Variants in FMNL2 observed in about 807,000 individuals in gnomAD.
The protein encoded by FMNL2 is formin-like protein 2.
Under a neutral mutation model 130.2 loss-of-function variants are expected in FMNL2, and 51 were observed. The observed-to-expected ratio is 0.39, with a 90% CI of 0.31 to 0.49. The LOEUF is 0.49. Among genes scored for constraint, FMNL2 ranks in the 20% least tolerant of loss-of-function variants. The pLI is 0.85. For missense variants in FMNL2, 977 were observed against 1,316.2 expected (o/e 0.74, Z 3.99); for synonymous variants, 465 against 467.1 (o/e 1.00, Z 0.06).
At chr2:152,496,185 C>T (rs144125579) in intron 1 of FMNL2, among the ~76,000 whole-genome samples, 1 of 152,140 alleles carries the variant, frequency 6.6e-6, no homozygotes, top group Admixed American at 6.5e-5. Flanking sequence ...AGGGCCGGTT[C>T]CTACATTGCA....
chr2:152,526,761 C>T (rs1317126006), intron 2 of FMNL2, among the ~76,000 whole-genome samples: 1 of 152,148 alleles, frequency 6.6e-6, no homozygotes, highest in East Asian at 1.9e-4. Flanking sequence ...CCCCTCTATA[C>T]ATTCATTCTT....
chr2:152,432,115 T>G (rs1384684988), intron 1 of FMNL2, among the ~76,000 whole-genome samples: 8 of 152,066 alleles, frequency 5.3e-5, no homozygotes. Flanking sequence ...TGTGATTGTT[T>G]TCAGTATTTG....
intron 1 of FMNL2, among the ~76,000 whole-genome samples, chr2:152,426,025 T>G (rs1687183641): frequency 6.6e-6 from 1 of 152,256 alleles, no homozygotes; most frequent in Non-Finnish European, 1.5e-5. Flanking sequence ...GATAGATTTA[T>G]GGTAGGGATA....
intron 3 of FMNL2, among the ~76,000 whole-genome samples, chr2:152,548,468 G>A (rs193214015): frequency 6.6e-6 from 1 of 152,310 alleles, no homozygotes; most frequent in East Asian, 1.9e-4. Context: ...TAGGCAGAGA[G>A]TTGCCTATTA....
chr2:152,581,607 C>T (rs1408706881), intron 9 of FMNL2, among the ~76,000 whole-genome samples: 1 of 152,014 alleles, frequency 6.6e-6, no homozygotes, highest in Non-Finnish European at 1.5e-5. Context: ...CGGGCCCTGC[C>T]CCAGCGTATC....
rs554292642 is a variant in FMNL2, at chr2:152,531,749, T to C, written c.201+9723T>C. Among the ~76,000 whole-genome samples the C allele has an allele frequency of 2.0e-5, 3 of 152,312 alleles. No individual in the cohort carries two copies. The South Asian group carries it at 6.2e-4, about 32-fold the overall frequency. On this transcript the variant is annotated intron_variant, in intron 2 of 25. Transcript: ENST00000288670. ...TGCTGGGATTACAGGCGTGAACTACTGTACCCAGCCTAAGATATAAGATCT... is the reference window on the plus strand; with the variant it reads ...TGCTGGGATTACAGGCGTGAACTACCGTACCCAGCCTAAGATATAAGATCT...
intron 8 of FMNL2, among the ~76,000 whole-genome samples, chr2:152,580,657 T>C (rs1696731203): frequency 1.3e-5 from 2 of 152,212 alleles, no homozygotes; most frequent in Non-Finnish European, 2.9e-5. Context: ...TTTTCATCTG[T>C]ATTGTACTGA....
intron 1 of FMNL2, among the ~76,000 whole-genome samples, chr2:152,476,879 A>G (rs1002708208): frequency 3.3e-5 from 5 of 152,160 alleles, no homozygotes; most frequent in Admixed American, 3.3e-4. Context: ...CTCAAATCTG[A>G]GAAATAGCTC....
intron 6 of FMNL2, among the ~76,000 whole-genome samples, chr2:152,561,852 A>G (rs1485381865): frequency 6.6e-6 from 1 of 152,166 alleles, no homozygotes; most frequent in Non-Finnish European, 1.5e-5. Flanking sequence ...TGTTGGGATT[A>G]CAGGCATCAG....
intron 25 of FMNL2, among the ~76,000 whole-genome samples, chr2:152,644,158 T>C (rs575547998): frequency 4.6e-5 from 7 of 152,104 alleles, no homozygotes; most frequent in Admixed American, 3.3e-4. Flanking sequence ...GAGGTGGAGG[T>C]TGCAGTGAGT....
intron 2 of FMNL2, among the ~76,000 whole-genome samples, chr2:152,524,737 T>C (rs1480686762): frequency 8.5e-5 from 13 of 152,216 alleles, no homozygotes; most frequent in South Asian, 8.3e-4. Flanking sequence ...GTGCAGACCC[T>C]GTGCTGCACG....
intron 1 of FMNL2, among the ~76,000 whole-genome samples, chr2:152,382,361 C>T (rs1348132145): frequency 6.6e-6 from 1 of 152,132 alleles, no homozygotes; most frequent in African/African-American, 2.4e-5. Context: ...TTTGTTTCCT[C>T]TGGGTGTTCT....
chr2:152,400,444 CAA>C (rs63053361), intron 1 of FMNL2, among the ~76,000 whole-genome samples: 1 of 150,582 alleles, frequency 6.6e-6, no homozygotes, highest in South Asian at 2.1e-4. Context: ...CTCAAAAAAA[CAA>C]AAAAAATAAA....
chr2:152,449,148 T>A (rs537944070), intron 1 of FMNL2, among the ~76,000 whole-genome samples: 8 of 152,336 alleles, frequency 5.3e-5, no homozygotes, highest in South Asian at 2.1e-4. Context: ...AAGGACTAGA[T>A]GATGTCTGTT....
intron 9 of FMNL2, among the ~76,000 whole-genome samples, chr2:152,604,378 T>C (rs986453334): frequency 6.6e-6 from 1 of 151,014 alleles, no homozygotes; most frequent in Non-Finnish European, 1.5e-5. Context: ...TTCAGCTTTC[T>C]AACATTCTTC....
intron 1 of FMNL2, among the ~76,000 whole-genome samples, chr2:152,419,027 T>C (rs12693359): frequency 0.96 from 144,039 of 150,798 alleles, 69,163 homozygotes; most frequent in East Asian, 1. Context: ...AAACAGCATC[T>C]CATTGTGGTT....
chr2:152,545,493 A>G (rs1279597933), intron 3 of FMNL2, among the ~76,000 whole-genome samples: 1 of 152,218 alleles, frequency 6.6e-6, no homozygotes. Flanking sequence ...CGGGCAGAAA[A>G]GGAAGAGCCT....
intron 1 of FMNL2, among the ~76,000 whole-genome samples, chr2:152,492,803 C>G (rs1208304312): frequency 6.6e-6 from 1 of 152,076 alleles, no homozygotes; most frequent in Non-Finnish European, 1.5e-5. Context: ...ATTGAACTCC[C>G]TAAGTGAAAT....
chr2:152,469,427 C>G (rs1689733711), intron 1 of FMNL2, among the ~76,000 whole-genome samples: 1 of 152,242 alleles, frequency 6.6e-6, no homozygotes, highest in African/African-American at 2.4e-5. Context: ...TTTTCTCTAG[C>G]CTCCTTGGCT....
Sources: gnomAD v4.1 joint callset for allele counts (sites outside exome capture counted in the v4.1 genomes callset) on GRCh38, gnomAD v4.1.1 for gene constraint, MANE v1.5 for transcripts, NCBI Gene and HGNC (gene_info 2026-07-23, HGNC 2026-07-21) for gene names.